Variants in IFT57 observed in about 807,000 individuals in gnomAD.
IFT57 encodes the protein intraflagellar transport protein 57 homolog.
Under a neutral mutation model 56.8 loss-of-function variants are expected in IFT57, and 59 were observed. The ratio of observed to expected loss-of-function variants is 1.04; its 90% confidence interval spans 0.84 to 1.29. The LOEUF (loss-of-function observed/expected upper bound fraction) is 1.29. Among genes scored for constraint, IFT57 ranks in the 50% most tolerant of loss-of-function variants. The probability of loss-of-function intolerance (pLI) is 0.00; values close to 1 mark genes in which losing one functional copy is unlikely to be tolerated. For synonymous variants in IFT57, 209 were observed against 186.1 expected (o/e 1.12, Z -1.00); for missense variants, 470 against 522.1 (o/e 0.90, Z 0.97).
chr3:108,163,338 A>G (rs967618754), intron 10 of IFT57, among the ~76,000 whole-genome samples: 3 of 152,168 alleles, frequency 2.0e-5, no homozygotes, highest in African/African-American at 4.8e-5. Flanking sequence ...TAAAATAGAA[A>G]AAGTGAAGCT....
At chr3:108,203,136 T>C (rs2080288665) in intron 5 of IFT57, among the ~76,000 whole-genome samples, 1 of 152,230 alleles carries the variant, frequency 6.6e-6, no homozygotes, top group Non-Finnish European at 1.5e-5. Context: ...ACCTGGAGTA[T>C]GCCCTTCCCA....
intron 6 of IFT57, among the ~76,000 whole-genome samples, chr3:108,174,392 T>G (rs1560104630): frequency 6.6e-6 from 1 of 151,540 alleles, no homozygotes; most frequent in East Asian, 1.9e-4. Flanking sequence ...TTGAAATCTA[T>G]CTGGATCCCT....
intron 5 of IFT57, among the ~76,000 whole-genome samples, chr3:108,195,009 A>C (rs1005406891): frequency 1.3e-5 from 2 of 152,190 alleles, no homozygotes; most frequent in Non-Finnish European, 2.9e-5. Flanking sequence ...CAGAAAAGGA[A>C]GCAATCAACA....
At chr3:108,207,935 C>T (rs1016234800) in intron 4 of IFT57, among the ~76,000 whole-genome samples, 40 of 151,456 alleles carry the variant, frequency 2.6e-4, no homozygotes, top group African/African-American at 7.0e-4. Context: ...CCCAGCTACA[C>T]GGGAGGCTGA....
Position 108,222,251 on chromosome 3 carries a change from C to G in IFT57, c.72G>C (p.Gly24=). Residue 24 remains glycine (G), a synonymous_variant, in exon 1 of 11, where the codon GGG becomes GGC. Transcript: ENST00000264538. Reference sequence around the variant, plus strand: ...CCCGCTCCAAGACCACTTCCCCGGTCCCTTCGCCACGGGACCTAGGCACCC... The same window carrying G: ...CCCGCTCCAAGACCACTTCCCCGGTGCCTTCGCCACGGGACCTAGGCACCC... The part of the protein sequence containing the change: ...EDGVPRSRGE[G]TGEVVLERGP... 2 of 1,614,124 alleles carry G rather than the reference C, an allele frequency of 1.2e-6. No homozygotes were observed. Among genetic ancestry groups the G allele is most frequent in the Non-Finnish European group, 1.7e-6 (2 of 1,180,030 alleles).
chr3:108,169,797 C>T (rs781027705), intron 6 of IFT57, among the ~76,000 whole-genome samples: 4 of 151,946 alleles, frequency 2.6e-5, no homozygotes, highest in Non-Finnish European at 5.9e-5. Flanking sequence ...AAAGCTTATC[C>T]ACCATGATCA....
chr3:108,165,125 C>T (rs1317422357), intron 9 of IFT57, among the ~76,000 whole-genome samples: 1 of 151,852 alleles, frequency 6.6e-6, no homozygotes, highest in East Asian at 1.9e-4. Context: ...TAAGTCAGTG[C>T]TTTACTATTC....
intron 1 of IFT57, among the ~76,000 whole-genome samples, chr3:108,221,053 T>C (rs1166710903): frequency 6.6e-6 from 1 of 152,254 alleles, no homozygotes; most frequent in Non-Finnish European, 1.5e-5. Flanking sequence ...ATCCCAGGAC[T>C]ACCTTTTCTA....
At chr3:108,211,586 A>AT (rs2080342788) in intron 4 of IFT57, among the ~76,000 whole-genome samples, 1 of 152,222 alleles carries the variant, frequency 6.6e-6, no homozygotes, top group Non-Finnish European at 1.5e-5. Context: ...TGCCTGCTAC[A>AT]TAACAAGTGC....
In IFT57 at chr3:108,218,612, A is replaced by C; in HGVS notation, c.417T>G (p.Gly139=). ...ADFPPSKLKS[G]YGEHVCYVLD... ...GAACATAGCATACATGTTCTCCATA[A>C]CCTGACTTTAATTTTGAAGGAGGAA... Residue 139 remains glycine, a synonymous_variant, in exon 3 of 11, where the codon GGT becomes GGG. Coordinates refer to ENST00000264538, the MANE Select transcript of IFT57 (RefSeq NM_018010.4). The C allele has an allele frequency of 1.3e-6, 2 of 1,546,318 alleles. No homozygotes were observed. Among genetic ancestry groups the C allele is most frequent in the East Asian group, 4.9e-5 (2 of 40,678 alleles).
intron 3 of IFT57, among the ~76,000 whole-genome samples, chr3:108,215,516 C>A (rs907948357): frequency 8.6e-5 from 13 of 151,886 alleles, no homozygotes; most frequent in African/African-American, 2.9e-4. Flanking sequence ...CCAGCCTGGG[C>A]GACAGAGTGA....
chr3:108,217,680 ATATG>A (rs755576173), intron 3 of IFT57, among the ~76,000 whole-genome samples: 5 of 151,442 alleles, frequency 3.3e-5, no homozygotes, highest in African/African-American at 4.8e-5. Flanking sequence ...TAATATATAT[ATATG>A]TGTGTGTGTG....
intron 5 of IFT57, among the ~76,000 whole-genome samples, chr3:108,201,915 C>T (rs973039352): frequency 1.1e-4 from 16 of 152,132 alleles, no homozygotes; most frequent in African/African-American, 3.9e-4. Context: ...TTCCTTTCAG[C>T]ATTTGCCTTT....
intron 6 of IFT57, among the ~76,000 whole-genome samples, chr3:108,180,438 T>C (rs1349756570): frequency 6.6e-6 from 1 of 151,968 alleles, no homozygotes; most frequent in Non-Finnish European, 1.5e-5. Flanking sequence ...TTTTATAAGA[T>C]GCTGAGTAAC....
At chr3:108,171,059 A>C (rs984822552) in intron 6 of IFT57, among the ~76,000 whole-genome samples, 7 of 151,922 alleles carry the variant, frequency 4.6e-5, no homozygotes, top group Non-Finnish European at 8.8e-5. Flanking sequence ...CACTTTGCTA[A>C]CTACACTATT....
chr3:108,163,806 T>C (rs2080046945), intron 9 of IFT57, 77 bp from the exon 10 acceptor site: 1 of 840,672 alleles, frequency 1.2e-6, no homozygotes, highest in Non-Finnish European at 2.0e-6. Context: ...GTTAAGAAAA[T>C]GTAATTTAGA....
intron 6 of IFT57, among the ~76,000 whole-genome samples, chr3:108,182,141 A>G (rs1400998548): frequency 6.6e-6 from 1 of 152,106 alleles, no homozygotes; most frequent in Non-Finnish European, 1.5e-5. Context: ...ATAACAATTT[A>G]TAAATCCCTG....
intron 6 of IFT57, among the ~76,000 whole-genome samples, chr3:108,179,289 G>A (rs17233199): frequency 0.096 from 14,618 of 151,886 alleles, 765 homozygotes; most frequent in Middle Eastern, 0.12. Context: ...CCTGTGACAT[G>A]TCTAAAAACT....
intron 4 of IFT57, among the ~76,000 whole-genome samples, chr3:108,208,442 C>T (rs141207207): frequency 4.6e-5 from 7 of 152,298 alleles, no homozygotes; most frequent in East Asian, 1.9e-4. Context: ...TCAATAGATA[C>T]TTCTTAAACT....
Sources: gnomAD v4.1 joint callset for allele counts (sites outside exome capture counted in the v4.1 genomes callset) on GRCh38, gnomAD v4.1.1 for gene constraint, MANE v1.5 for transcripts, NCBI Gene and HGNC (gene_info 2026-07-23, HGNC 2026-07-21) for gene names.